GRAMD1B: variants seen among roughly 807,000 people sequenced by gnomAD.
GRAMD1B encodes GRAM domain containing 1B, also known as protein Aster-B.
In GRAMD1B, 37 loss-of-function variants were observed where a neutral mutation model predicts 99.7. The observed-to-expected ratio is 0.37, with a 90% CI of 0.29 to 0.49. The LOEUF is 0.49. Ranked by LOEUF, GRAMD1B falls within the 20% of genes least tolerant of loss-of-function variation. The pLI is 0.98. For synonymous variants in GRAMD1B, 427 were observed against 387.6 expected (o/e 1.10, Z -1.19); for missense variants, 888 against 1,009.2 (o/e 0.88, Z 1.63).
chr11:123,542,639 G>A (rs1173178187), intron 2 of GRAMD1B, among the ~76,000 whole-genome samples: 1 of 152,138 alleles, frequency 6.6e-6, no homozygotes, highest in Non-Finnish European at 1.5e-5. Flanking sequence ...ATGCCAGCAA[G>A]TAGGTTTTTG....
chr11:123,560,457 CCCCAGCTTCTGAGAG>C (rs1207586093), intron 2 of GRAMD1B: 2 of 1,198,724 alleles, frequency 1.7e-6, no homozygotes, highest in Non-Finnish European at 2.1e-6. Context: ...AAAGAAGCGC[CCCCAGCTTCTGAGAG>C]CCCTGGCCCG....
intron 4 of GRAMD1B, among the ~76,000 whole-genome samples, chr11:123,585,827 C>G (rs889629897): frequency 7.9e-5 from 12 of 152,174 alleles, no homozygotes; most frequent in African/African-American, 2.9e-4. Flanking sequence ...CAGGCCAGCC[C>G]CTGTCCTTGT....
At chr11:123,447,552 G>A (rs1176088700) in intron 1 of GRAMD1B, among the ~76,000 whole-genome samples, 1 of 152,210 alleles carries the variant, frequency 6.6e-6, no homozygotes, top group African/African-American at 2.4e-5. Context: ...CCTAGAGACA[G>A]GCTGAGGCAG....
At chr11:123,476,457 GC>G (rs992802121) in intron 1 of GRAMD1B, among the ~76,000 whole-genome samples, 5 of 152,350 alleles carry the variant, frequency 3.3e-5, no homozygotes, top group Non-Finnish European at 7.3e-5. Context: ...AGGAAATAGG[GC>G]CAGGCCTCTG....
intron 1 of GRAMD1B, among the ~76,000 whole-genome samples, chr11:123,421,128 AT>A (rs1232488843): frequency 6.6e-6 from 1 of 152,240 alleles, no homozygotes; most frequent in Non-Finnish European, 1.5e-5. Flanking sequence ...AGTAAAATGT[AT>A]TAGGGTAATT....
In GRAMD1B at chr11:123,606,547, C is replaced by T. The variant is rs996604532; in HGVS notation, c.1324-62C>T. On this transcript the variant is annotated intron_variant, in intron 10 of 19. Coordinates refer to ENST00000635736, the MANE Select transcript of GRAMD1B (RefSeq NM_001387025.1). ...CTGCCAAGGCTGCATCCCTAATCTC[C>T]CTTTGGAGAATAGATCCAGACCAGG... 68 of 1,453,134 alleles carry T rather than the reference C, an allele frequency of 4.7e-5. 1 individual carries two copies. In the East Asian group the frequency reaches 1.6e-3, roughly 34 times the overall value. 90.0% of individuals were successfully genotyped at this position (1,453,134 alleles called of 1,614,324 possible).
chr11:123,537,692 AC>A (rs1372043441), intron 2 of GRAMD1B, among the ~76,000 whole-genome samples: 4 of 152,256 alleles, frequency 2.6e-5, no homozygotes, highest in Non-Finnish European at 5.9e-5. Context: ...CAAGCAAAAC[AC>A]ATTTGTACCT....
At chr11:123,442,564 G>A (rs1949457460) in intron 1 of GRAMD1B, among the ~76,000 whole-genome samples, 1 of 152,180 alleles carries the variant, frequency 6.6e-6, no homozygotes, top group Admixed American at 6.5e-5. Flanking sequence ...GAGGTCCAGA[G>A]TTCAAGACCA....
rs1348132474 is a variant in GRAMD1B, at chr11:123,612,842, G to A, written c.2001G>A (p.Leu667=). Residue 667 remains leucine, a synonymous_variant, in exon 15 of 20, where the codon CTG becomes CTA. Transcript: ENST00000635736. The stretch of plus-strand genomic sequence containing the variant: ...TCGAGAAGAACTTCTGGAGTGGGCT[G>A]GAGGACTACTTCCGCCATTTAGGTG... ...TFIEKNFWSG[L]EDYFRHLESE... 7 of 1,606,378 alleles carry A rather than the reference G, an allele frequency of 4.4e-6. No individual in the cohort carries two copies. The highest frequency in any genetic ancestry group is 1.7e-5 in the Admixed American group (1 of 59,960).
intron 1 of GRAMD1B, among the ~76,000 whole-genome samples, chr11:123,377,433 G>T (rs1946725277): frequency 6.6e-6 from 1 of 152,184 alleles, no homozygotes; most frequent in African/African-American, 2.4e-5. Flanking sequence ...AAAAAGGAAA[G>T]TTCCTTAGGA....
At chr11:123,431,293 G>A in intron 1 of GRAMD1B, 127 bp downstream of exon 1, 1 of 593,470 alleles carries the variant, frequency 1.7e-6, no homozygotes, top group South Asian at 2.0e-5. Flanking sequence ...AGGCGCTTCT[G>A]GAGGGCGCTG....
At chr11:123,413,379 T>C (rs1042675307) in intron 1 of GRAMD1B, among the ~76,000 whole-genome samples, 3 of 152,182 alleles carry the variant, frequency 2.0e-5, no homozygotes, top group Admixed American at 2.0e-4. Flanking sequence ...TTGTATTTCC[T>C]TCATTGCATT....
chr11:123,589,709 G>A (rs373352724), intron 4 of GRAMD1B, among the ~76,000 whole-genome samples: 1 of 151,458 alleles, frequency 6.6e-6, no homozygotes, highest in East Asian at 1.9e-4. Flanking sequence ...TGATCCGTCC[G>A]AATTGGCTTC....
chr11:123,428,009 C>T (rs1384015422), upstream of GRAMD1B, among the ~76,000 whole-genome samples: 1 of 152,154 alleles, frequency 6.6e-6, no homozygotes, highest in Non-Finnish European at 1.5e-5. Flanking sequence ...AAGCTTCCTC[C>T]CTTGTTTCTT....
chr11:123,525,081 A>T (rs1942572588), intron 2 of GRAMD1B, among the ~76,000 whole-genome samples: 1 of 152,148 alleles, frequency 6.6e-6, no homozygotes, highest in Admixed American at 6.5e-5. Context: ...GGAGCCCAGG[A>T]TTGGTGATCA....
chr11:123,457,117 A>G lies in GRAMD1B; in HGVS notation c.375-23699A>G, dbSNP rs57271791. ...ACAGAGAGAGACCCTTTCTGAGAAA[A>G]AAAGAAAGAAAGAAAGAAAGAATTA... On this transcript the variant is annotated intron_variant, in intron 1 of 19. Transcript: ENST00000635736. Among the ~76,000 whole-genome samples the G allele has an allele frequency of 1.7e-3, 167 of 99,094 alleles. 9 individuals are homozygous for G. In the East Asian group the frequency reaches 0.017, roughly 10 times the overall value. The allele number at this position is 99,094 out of a possible 152,430, so 65.0% of individuals were successfully genotyped here.
intron 2 of GRAMD1B, among the ~76,000 whole-genome samples, chr11:123,487,883 A>G (rs1421340575): frequency 2.6e-5 from 4 of 152,220 alleles, no homozygotes; most frequent in Non-Finnish European, 5.9e-5. Context: ...CTGGGATTAC[A>G]GACGTGAGCC....
intron 1 of GRAMD1B, among the ~76,000 whole-genome samples, chr11:123,399,608 G>GTATTTATTTATT (rs59870444): frequency 9.9e-5 from 15 of 150,808 alleles, no homozygotes; most frequent in Admixed American, 2.0e-4. Flanking sequence ...CTTACCTTTT[G>GTATTTATTTATT]TATTTATTTA....
intron 1 of GRAMD1B, among the ~76,000 whole-genome samples, chr11:123,448,977 C>T (rs987014810): frequency 6.6e-6 from 1 of 152,208 alleles, no homozygotes; most frequent in Non-Finnish European, 1.5e-5. Flanking sequence ...CTCTTGTGTG[C>T]TCTGCCTCCA....
Sources: gnomAD v4.1 joint callset for allele counts (sites outside exome capture counted in the v4.1 genomes callset) on GRCh38, gnomAD v4.1.1 for gene constraint, MANE v1.5 for transcripts, NCBI Gene and HGNC (gene_info 2026-07-23, HGNC 2026-07-21) for gene names.